GNAT1: variants seen among roughly 807,000 people sequenced by gnomAD.
The protein encoded by GNAT1 is guanine nucleotide-binding protein G(t) subunit alpha-1.
GNAT1 carries 36 observed loss-of-function variants against 40.0 expected under a neutral mutation model. The observed-to-expected ratio is 0.90, with a 90% CI of 0.69 to 1.19. GNAT1 has a LOEUF of 1.19. Ranked by LOEUF, GNAT1 falls within the 50% of genes most tolerant of loss-of-function variation. The pLI is 0.00. For synonymous variants in GNAT1, 195 were observed against 192.9 expected, an observed-to-expected ratio of 1.01 and a Z score of -0.09; for missense variants, 413 against 480.6, an observed-to-expected ratio of 0.86 and a Z score of 1.32.
In GNAT1 at chr3:50,193,718, G is replaced by T. The variant is rs369148132; in HGVS notation, c.450-35G>T. On this transcript the variant is annotated intron_variant, in intron 4 of 8. Coordinates refer to ENST00000232461, the MANE Select transcript of GNAT1 (RefSeq NM_144499.3). The surrounding 1 kb of genome is among the most constrained non-coding windows in gnomAD (Gnocchi z 8.1). ...GCGCGGGGCGCAGGGGGCCCTCCAC[G>T]CCTCCCCACCCACCTACGGCCGGGT... 9.4e-6 allele frequency: 15 copies of T among 1,599,108 alleles called. No homozygotes were observed. The highest frequency in any genetic ancestry group is 1.3e-5 in the Non-Finnish European group (15 of 1,173,562).
chr3:50,194,885 T>A lies in GNAT1; in HGVS notation c.983T>A (p.Val328Asp). ...HMTCATDTQNVKFVFDAVTDI... is the reference protein window; with the variant it reads ...HMTCATDTQNDKFVFDAVTDI... ...ACGTGCGCCACCGACACGCAGAACG[T>A]CAAATTTGTCTTCGACGCTGTCACC... The change falls in exon 8 of 9, where the codon GTC becomes GAC. Residue 328 changes from valine to aspartate, a missense_variant. Transcript: ENST00000232461. The surrounding 1 kb of genome is among the most constrained non-coding windows in gnomAD (Gnocchi z 6.1). 1 of 1,613,196 alleles carries A rather than the reference T, an allele frequency of 6.2e-7. No individual in the cohort carries two copies. The highest frequency in any genetic ancestry group is 8.5e-7 in the Non-Finnish European group (1 of 1,179,746).
At chr3:50,192,836 T>A in intron 1 of GNAT1, 1 of 563,346 alleles carries the variant, frequency 1.8e-6, no homozygotes, top group East Asian at 3.0e-5. Context: ...CACAGCATAA[T>A]AAAGGCTGCC....
At position 50,197,533 on chromosome 3, in the gene GNAT1, C is replaced by T. The variant is rs886058693; in HGVS notation, c.*2267C>T. On this transcript the variant is annotated 3_prime_UTR_variant, in exon 9 of 9. Coordinates refer to ENST00000232461, the MANE Select transcript of GNAT1 (RefSeq NM_144499.3). ...TAGCATCATGTCTTCAAGGTTTATT[C>T]ATGTGTAGCATATGGCAGAATCTCC... Among the ~76,000 whole-genome samples, 6 of 152,154 alleles carry T rather than the reference C, an allele frequency of 3.9e-5. No homozygotes were observed. Among genetic ancestry groups the T allele is most frequent in the Non-Finnish European group, 5.9e-5 (4 of 68,040 alleles).
chr3:50,193,181 T>C lies in GNAT1; in HGVS notation c.149+6T>C. On this transcript the variant is annotated splice_donor_region_variant and intron_variant, in intron 2 of 8. Coordinates refer to ENST00000232461, the MANE Select transcript of GNAT1 (RefSeq NM_144499.3). This position sits in a 1 kb window ranked among gnomAD's most constrained non-coding sequence, Gnocchi z 8.1. Reference sequence around the variant, plus strand: ...ACCATCGTCAAGCAGATGAAGTGAGTGCCCCTGCCTGTCCCGAGGCCCCTG... The same window carrying C: ...ACCATCGTCAAGCAGATGAAGTGAGCGCCCCTGCCTGTCCCGAGGCCCCTG... The C allele has an allele frequency of 6.2e-7, 1 of 1,613,766 alleles. No homozygotes were observed. The highest frequency in any genetic ancestry group is 1.1e-5 in the South Asian group (1 of 91,062).
rs929695232 is a variant in GNAT1 at position 50,197,360 on chromosome 3, C to T, written c.*2094C>T. On this transcript the variant is annotated 3_prime_UTR_variant, in exon 9 of 9. Transcript: ENST00000232461. ...TCTTGTAAAACTGTAACTCTGTACC[C>T]ATGAAAAAATAACCCCCCATTCCTG... is the stretch of plus-strand genomic sequence containing the variant. Among the ~76,000 whole-genome samples the T allele has an allele frequency of 6.6e-6, 1 of 152,168 alleles. No individual in the cohort carries two copies. Among genetic ancestry groups the T allele is most frequent in the African/African-American group, 2.4e-5 (1 of 41,430 alleles).
At position 50,191,783 on chromosome 3, in the gene GNAT1, A is replaced by G. The variant is rs1699414848; in HGVS notation, c.58A>G (p.Lys20Glu). The G allele has an allele frequency of 1.2e-6, 2 of 1,614,082 alleles. No homozygotes were observed. The highest frequency in any genetic ancestry group is 1.7e-6 in the Non-Finnish European group (2 of 1,179,922). ...KHSRELEKKL[K>E]EDAEKDARTV... ...CTCCAGGGAGCTGGAAAAGAAGCTG[A>G]AAGAGGACGCTGAGAAGGATGCTCG... The change falls in exon 1 of 9, where the codon AAA becomes GAA. Residue 20 changes from lysine to glutamate, a missense_variant. Physicochemically the swap from Lys to Glu is moderately conservative, Grantham distance 56 (BLOSUM62 1). Transcript: ENST00000232461.
chr3:50,193,237 G>A lies in GNAT1; in HGVS notation c.150-28G>A. 2 of 1,614,166 alleles carry A rather than the reference G, an allele frequency of 1.2e-6. No individual in the cohort carries two copies. The highest frequency in any genetic ancestry group is 1.7e-6 in the Non-Finnish European group (2 of 1,180,010). ...GGGTCCTTCCCCACTTCCCCACGAG[G>A]CGCTGATTCTGCTCTCCTCGGCCTC... On this transcript the variant is annotated intron_variant, in intron 2 of 8. Coordinates refer to ENST00000232461, the MANE Select transcript of GNAT1 (RefSeq NM_144499.3). The surrounding 1 kb of genome is among the most constrained non-coding windows in gnomAD (Gnocchi z 8.1).
At position 50,193,802 on chromosome 3, in the gene GNAT1, G is replaced by T. The variant is rs769750483; in HGVS notation, c.499G>T (p.Glu167Ter). The change falls in exon 5 of 9, where the codon GAG (glutamate) becomes TAG (stop). Residue 167 changes from glutamate (E) to a stop codon, truncating the protein, a stop_gained. Coordinates refer to ENST00000232461, the MANE Select transcript of GNAT1 (RefSeq NM_144499.3). LOFTEE classifies it high-confidence loss of function. The surrounding 1 kb of genome is among the most constrained non-coding windows in gnomAD (Gnocchi z 8.1). ...RLVTPGYVPT[E>*]QDVLRSRVKT... The stretch of plus-strand genomic sequence containing the variant: ...GGTAACCCCGGGCTACGTGCCCACC[G>T]AGCAGGACGTGCTGCGCTCGCGAGT... 9 of 1,612,844 alleles carry T rather than the reference G, an allele frequency of 5.6e-6. No homozygotes were observed. Among genetic ancestry groups the T allele is most frequent in the Admixed American group, 5.0e-5 (3 of 60,006 alleles).
Position 50,195,449 on chromosome 3 carries a change from C to G in GNAT1, c.*183C>G, listed in dbSNP as rs556104512. ...CCTCCCCCATACCTCCCACAGTATC[C>G]CAGCGCCTCATGCCCCCAACCCCAA... On this transcript the variant is annotated 3_prime_UTR_variant, in exon 9 of 9. Transcript: ENST00000232461. The G allele has an allele frequency of 3.7e-4, 74 of 199,054 alleles. No individual in the cohort carries two copies. The South Asian group carries it at 5.9e-3, about 16-fold the overall frequency. 12.3% of individuals were successfully genotyped at this position (199,054 alleles called of 1,614,324 possible).
chr3:50,194,422 C>G lies in GNAT1; in HGVS notation c.709-79C>G. 2.6e-6 allele frequency: 4 copies of G among 1,525,774 alleles called. No individual in the cohort carries two copies. Among genetic ancestry groups the G allele is most frequent in the Non-Finnish European group, 3.6e-6 (4 of 1,113,930 alleles). 94.5% of individuals were successfully genotyped at this position (1,525,774 alleles called of 1,614,324 possible). On this transcript the variant is annotated intron_variant, in intron 6 of 8. Coordinates refer to ENST00000232461, the MANE Select transcript of GNAT1 (RefSeq NM_144499.3). The surrounding 1 kb of genome is among the most constrained non-coding windows in gnomAD (Gnocchi z 6.1). ...TGAGAGCCAGCTGAGCGGGAAGCCC[C>G]GCGTGCCCGGGAGCCCAGAGAGCAG...
rs778959098 is a variant in GNAT1 at position 50,193,119 on chromosome 3, C to T, written c.107-14C>T. On this transcript the variant is annotated splice_polypyrimidine_tract_variant and intron_variant, in intron 1 of 8. Coordinates refer to ENST00000232461, the MANE Select transcript of GNAT1 (RefSeq NM_144499.3). The surrounding 1 kb of genome is among the most constrained non-coding windows in gnomAD (Gnocchi z 8.1). Reference sequence around the variant, plus strand: ...GCTGGTCAGCGCAGCTCTGAGGCGCCGCGTCTCTTTCAGGTGCCGGTGAGT... The same window carrying T: ...GCTGGTCAGCGCAGCTCTGAGGCGCTGCGTCTCTTTCAGGTGCCGGTGAGT... 4 of 1,613,538 alleles carry T rather than the reference C, an allele frequency of 2.5e-6. No homozygotes were observed. The highest frequency in any genetic ancestry group is 3.3e-5 in the Admixed American group (2 of 60,004).
At chr3:50,192,158 CT>C (rs1157156966) in intron 1 of GNAT1, among the ~76,000 whole-genome samples, 1 of 152,226 alleles carries the variant, frequency 6.6e-6, no homozygotes, top group Non-Finnish European at 1.5e-5. Flanking sequence ...TTCATGCAGC[CT>C]TTGGTTTGAT....
At chr3:50,192,394 G>T (rs533824859) in intron 1 of GNAT1, among the ~76,000 whole-genome samples, 3 of 152,312 alleles carry the variant, frequency 2.0e-5, no homozygotes, top group Admixed American at 6.5e-5. Context: ...AGTAGATAAA[G>T]CCGCGTCCAC....
At position 50,194,698 on chromosome 3, in the gene GNAT1, A is replaced by G. The variant is rs1699475553; in HGVS notation, c.862+44A>G. On this transcript the variant is annotated intron_variant, in intron 7 of 8. Coordinates refer to ENST00000232461, the MANE Select transcript of GNAT1 (RefSeq NM_144499.3). This position sits in a 1 kb window ranked among gnomAD's most constrained non-coding sequence, Gnocchi z 6.1. Reference sequence around the variant, plus strand: ...CGCCAGGCGGCGCCCCCGCCCCACGATCGCGGCGCGCACCCCCCGCACGGG... The same window carrying G: ...CGCCAGGCGGCGCCCCCGCCCCACGGTCGCGGCGCGCACCCCCCGCACGGG... The G allele has an allele frequency of 6.8e-6, 11 of 1,609,820 alleles. No homozygotes were observed. Among genetic ancestry groups the G allele is most frequent in the Non-Finnish European group, 9.3e-6 (11 of 1,177,782 alleles).
rs148361893 is a variant in GNAT1 at position 50,194,665 on chromosome 3, C to T, written c.862+11C>T. 456 of 1,612,484 alleles carry T rather than the reference C, an allele frequency of 2.8e-4. 2 individuals carry two copies. The African/African-American group carries it at 5.2e-3, about 18-fold the overall frequency. ...TCCCGGACTACGATGGTGAGAAGTC[C>T]GCAAGGCCGCCAGGCGGCGCCCCCG... is the stretch of plus-strand genomic sequence containing the variant. On this transcript the variant is annotated intron_variant, in intron 7 of 8. Coordinates refer to ENST00000232461, the MANE Select transcript of GNAT1 (RefSeq NM_144499.3). This position sits in a 1 kb window ranked among gnomAD's most constrained non-coding sequence, Gnocchi z 6.1.
chr3:50,194,719 A>C lies in GNAT1; in HGVS notation c.863-46A>C. On this transcript the variant is annotated intron_variant, in intron 7 of 8. Coordinates refer to ENST00000232461, the MANE Select transcript of GNAT1 (RefSeq NM_144499.3). The surrounding 1 kb of genome is among the most constrained non-coding windows in gnomAD (Gnocchi z 6.1). Reference sequence around the variant, plus strand: ...CACGATCGCGGCGCGCACCCCCCGCACGGGGAAGGAAGGGCTGAGCAGAGT... The same window carrying C: ...CACGATCGCGGCGCGCACCCCCCGCCCGGGGAAGGAAGGGCTGAGCAGAGT... The C allele has an allele frequency of 6.2e-7, 1 of 1,608,688 alleles. No individual in the cohort carries two copies. The highest frequency in any genetic ancestry group is 1.1e-5 in the South Asian group (1 of 90,988).
rs1206450478 is a variant in GNAT1 at position 50,194,761 on chromosome 3, G to C, written c.863-4G>C. 6 of 1,613,208 alleles carry C rather than the reference G, an allele frequency of 3.7e-6. No homozygotes were observed. In the East Asian group the frequency reaches 8.9e-5, roughly 24 times the overall value. On this transcript the variant is annotated splice_polypyrimidine_tract_variant and splice_region_variant and intron_variant, in intron 7 of 8. Transcript: ENST00000232461. This position sits in a 1 kb window ranked among gnomAD's most constrained non-coding sequence, Gnocchi z 6.1. Reference sequence around the variant, plus strand: ...GAGCAGAGTGAGAGCTCCCGCCCCCGCAGGACCCAACACCTACGAGGACGC... The same window carrying C: ...GAGCAGAGTGAGAGCTCCCGCCCCCCCAGGACCCAACACCTACGAGGACGC...
chr3:50,193,252 T>C lies in GNAT1; in HGVS notation c.150-13T>C. On this transcript the variant is annotated splice_polypyrimidine_tract_variant and intron_variant, in intron 2 of 8. Transcript: ENST00000232461. This position sits in a 1 kb window ranked among gnomAD's most constrained non-coding sequence, Gnocchi z 8.1. ...TCCCCACGAGGCGCTGATTCTGCTC[T>C]CCTCGGCCTCAGGATTATCCACCAG... 1.2e-6 allele frequency: 2 copies of C among 1,614,146 alleles called. No homozygotes were observed. The highest frequency in any genetic ancestry group is 1.7e-6 in the Non-Finnish European group (2 of 1,180,002).
In GNAT1 at chr3:50,196,427, A is replaced by G. The variant is rs1699503963; in HGVS notation, c.*1161A>G. 6.6e-6 allele frequency: 1 copy of G among 152,620 alleles called. No individual in the cohort carries two copies. The highest frequency in any genetic ancestry group is 2.1e-4 in the South Asian group (1 of 4,832). The allele number at this position is 152,620 out of a possible 1,614,324, so 9.5% of individuals were successfully genotyped here. A position where few individuals can be genotyped will look rare whatever the true frequency, so the allele number is the denominator to read the frequency against. On this transcript the variant is annotated 3_prime_UTR_variant, in exon 9 of 9. Transcript: ENST00000232461. ...GCCAGGGCCTGTGCTGCAGTCGGGG[A>G]CAAGGAGCTTCCGTCTGGCAAGGCC... is the stretch of plus-strand genomic sequence containing the variant.
Sources: allele counts gnomAD v4.1 joint callset (sites outside exome capture counted in the v4.1 genomes callset), GRCh38; gene constraint gnomAD v4.1.1; non-coding constraint Gnocchi (gnomAD v3.1); transcripts MANE v1.5; gene names NCBI Gene and HGNC (gene_info 2026-07-23, HGNC 2026-07-21).